ATXN7L1: variants seen among roughly 807,000 people sequenced by gnomAD.
ATXN7L1 encodes the protein ataxin-7-like protein 1.
Under a neutral mutation model 70.8 loss-of-function variants are expected in ATXN7L1, and 15 were observed. The observed-to-expected ratio is 0.21, with a 90% CI of 0.14 to 0.33. The LOEUF (loss-of-function observed/expected upper bound fraction) is 0.33. Ranked by LOEUF, ATXN7L1 falls within the 10% of genes least tolerant of loss-of-function variation. The pLI, the probability that ATXN7L1 is intolerant of heterozygous loss-of-function variation, is 1.00. For missense variants in ATXN7L1, 975 were observed against 1,097.1 expected, an observed-to-expected ratio of 0.89 and a Z score of 1.57; for synonymous variants, 440 against 445.1, an observed-to-expected ratio of 0.99 and a Z score of 0.14.
intron 3 of ATXN7L1, among the ~76,000 whole-genome samples, chr7:105,716,542 A>C (rs1335915965): frequency 1.3e-5 from 2 of 152,090 alleles, no homozygotes; most frequent in Non-Finnish European, 2.9e-5. Context: ...TTAAAATTAC[A>C]AAAAGGTCCA....
At chr7:105,757,227 C>A (rs1799915070) in intron 3 of ATXN7L1, among the ~76,000 whole-genome samples, 1 of 115,556 alleles carries the variant, frequency 8.7e-6, no homozygotes, top group Non-Finnish European at 1.9e-5. Context: ...GTTTGTGAGG[C>A]CTCCTCTCTG....
At chr7:105,864,091 T>G (rs1817025226) in intron 2 of ATXN7L1, among the ~76,000 whole-genome samples, 1 of 152,078 alleles carries the variant, frequency 6.6e-6, no homozygotes, top group Admixed American at 6.5e-5. Context: ...TGAGAACCAC[T>G]TCTCTCAACC....
At chr7:105,749,047 C>T (rs1225168126) in intron 3 of ATXN7L1, among the ~76,000 whole-genome samples, 1 of 152,150 alleles carries the variant, frequency 6.6e-6, no homozygotes, top group Admixed American at 6.5e-5. Flanking sequence ...CAGGAATTCG[C>T]CCCTCACTTT....
chr7:105,810,391 T>C (rs1257147343), intron 2 of ATXN7L1, among the ~76,000 whole-genome samples: 1 of 152,082 alleles, frequency 6.6e-6, no homozygotes, highest in Non-Finnish European at 1.5e-5. Flanking sequence ...TGCTAGCAGG[T>C]GAGACAAACA....
At chr7:105,726,732 A>G (rs1340217650) in intron 3 of ATXN7L1, among the ~76,000 whole-genome samples, 1 of 152,160 alleles carries the variant, frequency 6.6e-6, no homozygotes. Context: ...TCAGGAGCAC[A>G]TGAGAGACCA....
chr7:105,703,604 G>A (rs944997858), intron 3 of ATXN7L1, among the ~76,000 whole-genome samples: 1 of 152,300 alleles, frequency 6.6e-6, no homozygotes, highest in South Asian at 2.1e-4. Context: ...GGTATTCAAG[G>A]TATGTAGCCT....
At chr7:105,801,869 T>G (rs1806867835) in intron 2 of ATXN7L1, among the ~76,000 whole-genome samples, 1 of 152,224 alleles carries the variant, frequency 6.6e-6, no homozygotes, top group African/African-American at 2.4e-5. Flanking sequence ...TCAAGGCTTT[T>G]ACATTTCTTC....
At chr7:105,819,537 C>T in intron 2 of ATXN7L1, 1 of 1,386,558 alleles carries the variant, frequency 7.2e-7, no homozygotes, top group Non-Finnish European at 1.0e-6. Flanking sequence ...AGGCCATCTC[C>T]TGGGCCGCCT....
chr7:105,687,466 G>A (rs532137509), intron 3 of ATXN7L1, among the ~76,000 whole-genome samples: 4 of 152,302 alleles, frequency 2.6e-5, no homozygotes, highest in Admixed American at 2.0e-4. Context: ...AGGAAGGGAC[G>A]ACAATGGCAC....
intron 2 of ATXN7L1, among the ~76,000 whole-genome samples, chr7:105,861,001 G>A (rs1416857936): frequency 2.0e-5 from 3 of 152,204 alleles, no homozygotes; most frequent in Admixed American, 2.0e-4. Context: ...CACAGGGTGC[G>A]GAGAAGGTCC....
At chr7:105,697,960 A>G (rs539114437) in intron 3 of ATXN7L1, among the ~76,000 whole-genome samples, 6 of 152,334 alleles carry the variant, frequency 3.9e-5, no homozygotes, top group African/African-American at 1.4e-4. Context: ...GAAGCTGGGC[A>G]GGGACGAGCA....
At chr7:105,722,894 A>AAATAAAATAAAATAAAAT (rs1795366582) in intron 3 of ATXN7L1, among the ~76,000 whole-genome samples, 1 of 146,400 alleles carries the variant, frequency 6.8e-6, no homozygotes. Flanking sequence ...CAAAGAAATA[A>AAATAAAATAAAATAAAAT]AATAAAATAA....
chr7:105,860,002 C>T (rs1197542442), intron 2 of ATXN7L1, among the ~76,000 whole-genome samples: 2 of 149,506 alleles, frequency 1.3e-5, no homozygotes, highest in East Asian at 2.0e-4. Flanking sequence ...AGGCTGGTCT[C>T]GAACTCCTGA....
chr7:105,618,901 C>T (rs1794326716), intron 9 of ATXN7L1, among the ~76,000 whole-genome samples: 1 of 152,090 alleles, frequency 6.6e-6, no homozygotes, highest in Admixed American at 6.5e-5. Flanking sequence ...TGTAAGTACA[C>T]TGGGAAGTGG....
At chr7:105,720,110 G>A (rs1795014494) in intron 3 of ATXN7L1, among the ~76,000 whole-genome samples, 2 of 152,152 alleles carry the variant, frequency 1.3e-5, no homozygotes, top group South Asian at 4.1e-4. Context: ...TAAATAGTCC[G>A]AATACCATGT....
chr7:105,874,430 T>C (rs987434640), intron 2 of ATXN7L1, among the ~76,000 whole-genome samples: 5 of 152,172 alleles, frequency 3.3e-5, no homozygotes, highest in African/African-American at 1.2e-4. Context: ...TAATCTCTAG[T>C]GATGCTTCCC....
chr7:105,619,540 T>G (rs1486037869), intron 9 of ATXN7L1, among the ~76,000 whole-genome samples: 1 of 7,202 alleles, frequency 1.4e-4, no homozygotes, highest in African/African-American at 4.2e-4. Flanking sequence ...ATTTTTTTTT[T>G]TTTTTTTTTT....
intron 3 of ATXN7L1, among the ~76,000 whole-genome samples, chr7:105,692,085 T>C (rs1265766429): frequency 1.3e-5 from 2 of 151,848 alleles, no homozygotes; most frequent in African/African-American, 4.8e-5. Context: ...GAAGGAAATG[T>C]AGATATTGGC....
intron 3 of ATXN7L1, among the ~76,000 whole-genome samples, chr7:105,779,393 T>C (rs1584984949): frequency 6.6e-6 from 1 of 152,218 alleles, no homozygotes; most frequent in African/African-American, 2.4e-5. Flanking sequence ...CAACCTGCTA[T>C]GTTCTGGACC....
Sources: allele counts gnomAD v4.1 joint callset (sites outside exome capture counted in the v4.1 genomes callset), GRCh38; gene constraint gnomAD v4.1.1; transcripts MANE v1.5; gene names NCBI Gene and HGNC (gene_info 2026-07-23, HGNC 2026-07-21).